Variants in DACH2 observed in about 807,000 individuals in gnomAD.
DACH2 encodes the protein dachshund family transcription factor 2.
Under a neutral mutation model 35.8 loss-of-function variants are expected in DACH2, and 17 were observed. The ratio of observed to expected loss-of-function variants is 0.48; its 90% CI spans 0.33 to 0.71. DACH2 has a LOEUF of 0.71. Among genes scored for constraint, DACH2 ranks in the 30% least tolerant of loss-of-function variants. DACH2 has a pLI of 0.02. For missense variants in DACH2, 469 were observed against 472.7 expected, an observed-to-expected ratio of 0.99 and a Z score of 0.07; for synonymous variants, 195 against 177.3, an observed-to-expected ratio of 1.10 and a Z score of -0.79.
intron 1 of DACH2, among the ~76,000 whole-genome samples, chrX:86,349,363 A>G (rs1195224665): frequency 9.0e-6 from 1 of 111,361 alleles, no homozygotes; most frequent in Non-Finnish European, 1.9e-5. Flanking sequence ...GTTCCTCTCT[A>G]CATCCAGCTG....
At chrX:86,236,942 C>T (rs1043092288) in intron 1 of DACH2, among the ~76,000 whole-genome samples, 3 of 112,577 alleles carry the variant, frequency 2.7e-5, no homozygotes, top group African/African-American at 9.7e-5. Flanking sequence ...TTTTAAAAAA[C>T]TGTTTTACCC....
At chrX:86,791,128 G>A (rs906644538) in intron 7 of DACH2, among the ~76,000 whole-genome samples, 1 of 111,235 alleles carries the variant, frequency 9.0e-6, no homozygotes, top group African/African-American at 3.3e-5. Context: ...AAGAGGACTG[G>A]TTAGTCTTGT....
In DACH2 at chrX:86,573,949, G is replaced by GA. The variant is rs770974066; in HGVS notation, c.640+59565dup. Among the ~76,000 whole-genome samples the GA allele has an allele frequency of 1.1e-4, 12 of 111,387 alleles. No individual in the cohort carries two copies. The East Asian group carries it at 3.4e-3, about 32-fold the overall frequency. Reference sequence around the variant, plus strand: ...CATGACTCTTCTCCTCCTCGTTAAAGAAAAAAATTCAGCATATTCTAACCC... The same window carrying GA: ...CATGACTCTTCTCCTCCTCGTTAAAGAAAAAAAATTCAGCATATTCTAACCC... On this transcript the variant is annotated intron_variant, in intron 3 of 11. Transcript: ENST00000373125.
At chrX:86,214,106 A>G (rs1029222675) in intron 1 of DACH2, among the ~76,000 whole-genome samples, 6 of 110,203 alleles carry the variant, frequency 5.4e-5, no homozygotes, top group Admixed American at 1.9e-4. Context: ...TTTCTTGTCA[A>G]CTCAAATGTA....
chrX:86,639,242 G>A (rs6418349), intron 3 of DACH2, among the ~76,000 whole-genome samples: 5 of 110,758 alleles, frequency 4.5e-5, no homozygotes, highest in South Asian at 3.9e-4. Flanking sequence ...GAAAACAGCC[G>A]ACCTGGGAGC....
At chrX:86,464,487 G>A (rs1269420432) in intron 2 of DACH2, among the ~76,000 whole-genome samples, 2 of 110,456 alleles carry the variant, frequency 1.8e-5, no homozygotes, top group African/African-American at 3.3e-5. Flanking sequence ...CATGGATACC[G>A]GGAAGGGAAC....
intron 1 of DACH2, among the ~76,000 whole-genome samples, chrX:86,197,232 C>A (rs1230711843): frequency 9.0e-6 from 1 of 111,292 alleles, no homozygotes; most frequent in Non-Finnish European, 1.9e-5. Flanking sequence ...CGATACCAGC[C>A]AACTGCCTTA....
intron 2 of DACH2, among the ~76,000 whole-genome samples, chrX:86,446,510 G>T (rs2037283835): frequency 1.9e-5 from 1 of 53,966 alleles, no homozygotes; most frequent in Non-Finnish European, 3.3e-5. Flanking sequence ...TGATCTCATT[G>T]TTCAATTCCC....
chrX:86,344,270 G>GCAAA (rs925872507), intron 1 of DACH2, among the ~76,000 whole-genome samples: 1 of 106,465 alleles, frequency 9.4e-6, no homozygotes, highest in Non-Finnish European at 1.9e-5. Context: ...GAAAGAAGCA[G>GCAAA]CAAACAGCAA....
At chrX:86,380,473 G>C (rs1331506376) in intron 2 of DACH2, among the ~76,000 whole-genome samples, 1 of 110,381 alleles carries the variant, frequency 9.1e-6, no homozygotes, top group African/African-American at 3.3e-5. Flanking sequence ...ATCAAGTTTG[G>C]TAGCATCATT....
chrX:86,626,313 T>A (rs1186497197), intron 3 of DACH2, among the ~76,000 whole-genome samples: 1 of 112,689 alleles, frequency 8.9e-6, no homozygotes, highest in Non-Finnish European at 1.9e-5. Context: ...AAGAGGTGGG[T>A]TCCCATGATC....
At chrX:86,528,995 CTG>C in intron 3 of DACH2, among the ~76,000 whole-genome samples, 1 of 111,807 alleles carries the variant, frequency 8.9e-6, no homozygotes, top group Non-Finnish European at 1.9e-5. Context: ...TTGGTGTTAA[CTG>C]TAGTCACATA....
chrX:86,796,729 C>T lies in DACH2; in HGVS notation c.1241-16127C>T, dbSNP rs141375502. On this transcript the variant is annotated intron_variant, in intron 7 of 11. Coordinates refer to ENST00000373125, the MANE Select transcript of DACH2 (RefSeq NM_053281.3). ...TGAAACATCTGCATTTAATACTAAT[C>T]GTTGAATTTTGTAGGGCTTCATGTG... Among the ~76,000 whole-genome samples the T allele has an allele frequency of 3.9e-3, 433 of 111,735 alleles. 2 individuals carry two copies. The highest frequency in any genetic ancestry group is 0.013 in the African/African-American group (413 of 30,791).
At chrX:86,787,205 A>G (rs182051581) in intron 7 of DACH2, among the ~76,000 whole-genome samples, 40 of 112,419 alleles carry the variant, frequency 3.6e-4, no homozygotes, top group Admixed American at 2.1e-3. Context: ...AAAAAATAGC[A>G]CCAAATTTTA....
intron 2 of DACH2, among the ~76,000 whole-genome samples, chrX:86,381,763 C>CTCT (rs374672687): frequency 2.0e-4 from 22 of 110,830 alleles, no homozygotes; most frequent in African/African-American, 6.5e-4. Flanking sequence ...TTGTAACACT[C>CTCT]TCTCTGGCTC....
chrX:86,571,447 C>A (rs1202179013), intron 3 of DACH2, among the ~76,000 whole-genome samples: 1 of 109,625 alleles, frequency 9.1e-6, no homozygotes, highest in Non-Finnish European at 1.9e-5. Flanking sequence ...TCCCTCCCCG[C>A]TCCCCCCACC....
chrX:86,711,508 G>C (rs2041279747), intron 5 of DACH2, among the ~76,000 whole-genome samples: 1 of 112,548 alleles, frequency 8.9e-6, no homozygotes, highest in Non-Finnish European at 1.9e-5. Flanking sequence ...TTTTAAAAAA[G>C]ATTTGTCTTT....
At chrX:86,536,485 A>C (rs2038803050) in intron 3 of DACH2, among the ~76,000 whole-genome samples, 1 of 112,296 alleles carries the variant, frequency 8.9e-6, no homozygotes, top group African/African-American at 3.2e-5. Context: ...GTCTGACAAG[A>C]GGACATCCAC....
intron 1 of DACH2, among the ~76,000 whole-genome samples, chrX:86,222,416 C>A (rs1420342121): frequency 8.9e-6 from 1 of 111,975 alleles, no homozygotes; most frequent in African/African-American, 3.2e-5. Context: ...AGCTTAACAG[C>A]AGCACATGAG....
Sources: gnomAD v4.1 joint callset for allele counts (sites outside exome capture counted in the v4.1 genomes callset) on GRCh38, gnomAD v4.1.1 for gene constraint, MANE v1.5 for transcripts, NCBI Gene and HGNC (gene_info 2026-07-23, HGNC 2026-07-21) for gene names.